CTBP2: variants seen among roughly 807,000 people sequenced by gnomAD.
The protein encoded by CTBP2 is C-terminal binding protein 2.
CTBP2 carries 30 observed loss-of-function variants against 80.3 expected under a neutral mutation model. That is an observed-to-expected ratio of 0.37 (90% CI 0.28 to 0.51). CTBP2 has a LOEUF of 0.51. Among genes scored for constraint, CTBP2 ranks in the 20% least tolerant of loss-of-function variants. The probability of loss-of-function intolerance (pLI) is 0.93; values close to 1 mark genes in which losing one functional copy is unlikely to be tolerated. For missense variants in CTBP2, 1,212 were observed against 1,375.3 expected, an observed-to-expected ratio of 0.88 and a Z score of 1.88; for synonymous variants, 594 against 587.4, an observed-to-expected ratio of 1.01 and a Z score of -0.16.
At chr10:125,047,473 C>A (rs1961554971) in intron 2 of CTBP2, among the ~76,000 whole-genome samples, 1 of 152,180 alleles carries the variant, frequency 6.6e-6, no homozygotes, top group Non-Finnish European at 1.5e-5. Context: ...AAACTGGGCA[C>A]ACACAATACA....
At chr10:125,051,367 T>C (rs764511006) in intron 2 of CTBP2, among the ~76,000 whole-genome samples, 6 of 152,206 alleles carry the variant, frequency 3.9e-5, no homozygotes, top group Non-Finnish European at 7.3e-5. Flanking sequence ...AGGCCAGGCA[T>C]GGTGGCTCAC....
chr10:125,107,747 C>T lies in CTBP2; in HGVS notation c.-102+3243G>A, dbSNP rs567263890. Among the ~76,000 whole-genome samples the T allele has an allele frequency of 8.5e-4, 129 of 152,292 alleles. 2 individuals carry two copies. The highest frequency in any genetic ancestry group is 3.0e-3 in the African/African-American group (124 of 41,554). ...ACCTCAGACTGTCTTTCCCAGAGGC[C>T]CTGGTCGGCAGGCCAAGCTTCTACA... is the stretch of plus-strand genomic sequence containing the variant. On this transcript the variant is annotated intron_variant, in intron 2 of 10. Transcript: ENST00000337195.
intron 2 of CTBP2, among the ~76,000 whole-genome samples, chr10:125,065,963 T>G (rs1024694188): frequency 1.1e-4 from 17 of 151,502 alleles, no homozygotes; most frequent in Admixed American, 9.2e-4. Context: ...TAGCCTGGCT[T>G]GGTGGCATGC....
intron 2 of CTBP2, among the ~76,000 whole-genome samples, chr10:125,086,665 G>C (rs566669249): frequency 1.4e-5 from 2 of 147,960 alleles, no homozygotes; most frequent in South Asian, 4.4e-4. Context: ...CTTCCACATA[G>C]CGAGAGAGTA....
At chr10:125,023,923 C>T (rs1957297572) in intron 1 of CTBP2, among the ~76,000 whole-genome samples, 1 of 152,202 alleles carries the variant, frequency 6.6e-6, no homozygotes, top group African/African-American at 2.4e-5. Context: ...CGTTCCTTGT[C>T]CCTCCGATGG....
Position 124,984,486 on chromosome 10 carries a change from G to A in CTBP2, c.*5032C>T, listed in dbSNP as rs541930005. On this transcript the variant is annotated 3_prime_UTR_variant, in exon 9 of 9. Coordinates refer to ENST00000309035, the MANE Select transcript of CTBP2 (RefSeq NM_022802.3). ...TGTGTTTGAAGCTGTGGCTTGCCAG[G>A]ATCAGTTTATTAGGACATTTGTTTT... 1 of 339,434 alleles carries A rather than the reference G, an allele frequency of 2.9e-6. No homozygotes were observed. The highest frequency in any genetic ancestry group is 4.5e-5 in the Admixed American group (1 of 22,378). The allele number at this position is 339,434 out of a possible 1,614,324, so 21.0% of individuals were successfully genotyped here. A position where few individuals can be genotyped will look rare whatever the true frequency, so the allele number is the denominator to read the frequency against.
chr10:125,155,890 G>A (rs923891323), intron 1 of CTBP2, among the ~76,000 whole-genome samples: 2 of 152,058 alleles, frequency 1.3e-5, no homozygotes, highest in African/African-American at 2.4e-5. Context: ...CTGCCAGGCC[G>A]CACAGTCTCT....
intron 1 of CTBP2, among the ~76,000 whole-genome samples, chr10:125,149,435 C>T (rs188304236): frequency 6.6e-6 from 1 of 152,288 alleles, no homozygotes; most frequent in Admixed American, 6.5e-5. Flanking sequence ...TCTATTCATA[C>T]CCAAGCTGGA....
Position 125,087,187 on chromosome 10 carries a change from G to A in CTBP2, c.-102+23803C>T, listed in dbSNP as rs144372992. Reference sequence around the variant, plus strand: ...ACTCCTGGGTTCAAGCGAGTCTCCCGCCTCAGCCTCCCGAGTACCTGGGAT... The same window carrying A: ...ACTCCTGGGTTCAAGCGAGTCTCCCACCTCAGCCTCCCGAGTACCTGGGAT... On this transcript the variant is annotated intron_variant, in intron 2 of 10. Coordinates refer to the CTBP2 transcript ENST00000337195. Among the ~76,000 whole-genome samples the A allele has an allele frequency of 5.9e-3, 897 of 150,770 alleles. 9 individuals carry two copies. The highest frequency in any genetic ancestry group is 0.021 in the African/African-American group (856 of 41,020).
intron 3 of CTBP2, among the ~76,000 whole-genome samples, chr10:125,034,389 C>T (rs1376923002): frequency 6.6e-6 from 1 of 152,182 alleles, no homozygotes; most frequent in Non-Finnish European, 1.5e-5. Context: ...GTTTCCTGAA[C>T]CTTTACCTTT....
intron 1 of CTBP2, among the ~76,000 whole-genome samples, chr10:125,133,239 A>C (rs917685861): frequency 6.6e-6 from 1 of 152,168 alleles, no homozygotes; most frequent in South Asian, 2.1e-4. Flanking sequence ...ACTCTTGCCC[A>C]TAGCCTCCAT....
intron 2 of CTBP2, among the ~76,000 whole-genome samples, chr10:125,048,538 C>T (rs945392257): frequency 2.6e-5 from 4 of 152,216 alleles, no homozygotes; most frequent in Middle Eastern, 3.2e-3. Flanking sequence ...ACTTGTTTAT[C>T]TCCCGAGACG....
At chr10:125,139,009 T>G (rs1320226246) in intron 1 of CTBP2, among the ~76,000 whole-genome samples, 1 of 152,182 alleles carries the variant, frequency 6.6e-6, no homozygotes, top group Non-Finnish European at 1.5e-5. Flanking sequence ...CATTAGCCAT[T>G]ACTATTATGC....
chr10:125,034,781 TA>T (rs568274015), intron 3 of CTBP2, among the ~76,000 whole-genome samples: 26 of 152,180 alleles, frequency 1.7e-4, no homozygotes, highest in Admixed American at 1.5e-3. Flanking sequence ...CAAAAACAAA[TA>T]AATCTTAAAT....
At position 124,989,580 on chromosome 10, in the gene CTBP2, C is replaced by G; in HGVS notation, c.2896G>C (p.Ala966Pro). 6.2e-7 allele frequency: 1 copy of G among 1,613,566 alleles called. No homozygotes were observed. Among genetic ancestry groups the G allele is most frequent in the Non-Finnish European group, 8.5e-7 (1 of 1,179,822 alleles). ...TTTGTGGGCTGGTTGGGAGAGGGCG[C>G]TTGGGAAGGATGTGCCACTGTCGGG... Residue 966 changes from alanine to proline, a missense_variant, in exon 9 of 9, where the codon GCG becomes CCG. Physicochemically the swap from Ala to Pro is conservative, Grantham distance 27 (BLOSUM62 -1). Transcript: ENST00000309035.
At chr10:125,029,768 C>T (rs1957995720), upstream of CTBP2, among the ~76,000 whole-genome samples, 2 of 152,292 alleles carry the variant, frequency 1.3e-5, no homozygotes, top group African/African-American at 4.8e-5. Context: ...GTTGACTCAC[C>T]AGCTTCTTTG....
At chr10:125,159,453 C>CT (rs1179560496) in intron 1 of CTBP2, among the ~76,000 whole-genome samples, 6 of 146,088 alleles carry the variant, frequency 4.1e-5, no homozygotes, top group Middle Eastern at 3.3e-3. Context: ...CCAGGCCCCC[C>CT]GCCCCGCCGC....
intron 1 of CTBP2, among the ~76,000 whole-genome samples, chr10:125,126,086 G>A (rs972763163): frequency 2.0e-5 from 3 of 152,218 alleles, no homozygotes; most frequent in African/African-American, 7.2e-5. Flanking sequence ...CCAGGGCTCT[G>A]GCCTGTACCA....
At chr10:125,072,587 G>C (rs1453967481) in intron 2 of CTBP2, among the ~76,000 whole-genome samples, 2 of 135,382 alleles carry the variant, frequency 1.5e-5, no homozygotes, top group African/African-American at 5.6e-5. Flanking sequence ...CTGCACTCCA[G>C]CCTGGACAAC....
Sources: allele counts gnomAD v4.1 joint callset (sites outside exome capture counted in the v4.1 genomes callset), GRCh38; gene constraint gnomAD v4.1.1; transcripts MANE v1.5; gene names NCBI Gene and HGNC (gene_info 2026-07-23, HGNC 2026-07-21).